DIAPH2: variants seen among roughly 807,000 people sequenced by gnomAD.
DIAPH2 encodes the protein protein diaphanous homolog 2.
DIAPH2 carries 35 observed loss-of-function variants against 92.7 expected under a neutral mutation model. The ratio of observed to expected loss-of-function variants is 0.38; its 90% confidence interval spans 0.29 to 0.50. The LOEUF is 0.50. Ranked by LOEUF, DIAPH2 falls within the 20% of genes least tolerant of loss-of-function variation. DIAPH2 has a pLI of 0.94. For missense variants in DIAPH2, 701 were observed against 819.5 expected (o/e 0.86, Z 1.77); for synonymous variants, 301 against 280.4 (o/e 1.07, Z -0.73).
intron 26 of DIAPH2, among the ~76,000 whole-genome samples, chrX:97,433,633 C>T (rs1233259317): frequency 8.9e-6 from 1 of 111,984 alleles, no homozygotes; most frequent in Non-Finnish European, 1.9e-5. Flanking sequence ...GAATATTAAC[C>T]CAGATCACAA....
At chrX:97,017,885 A>T (rs889785723) in intron 17 of DIAPH2, among the ~76,000 whole-genome samples, 1 of 112,243 alleles carries the variant, frequency 8.9e-6, no homozygotes, top group African/African-American at 3.2e-5. Flanking sequence ...CCTGCCACAA[A>T]TTAATTATAC....
At position 97,074,973 on chromosome X, in the gene DIAPH2, C is replaced by T. The variant is rs1369005257; in HGVS notation, c.2153-194C>T. ...TGCACTAGCTATAAACATTACAGCC[C>T]GAGAAAATATGCCATTTTGTCTAGA... On this transcript the variant is annotated intron_variant, in intron 18 of 26. Coordinates refer to ENST00000324765, the MANE Select transcript of DIAPH2 (RefSeq NM_006729.5). Among the ~76,000 whole-genome samples, 8 of 111,188 alleles carry T rather than the reference C, an allele frequency of 7.2e-5. No individual in the cohort carries two copies. In the South Asian group the frequency reaches 1.1e-3, roughly 16 times the overall value.
At chrX:96,853,378 C>A (rs185766042) in intron 4 of DIAPH2, among the ~76,000 whole-genome samples, 1 of 111,640 alleles carries the variant, frequency 9.0e-6, no homozygotes, top group Admixed American at 9.5e-5. Context: ...TTGTACATGA[C>A]AGCATTAGAA....
chrX:96,936,974 T>C (rs1330739435), intron 10 of DIAPH2, among the ~76,000 whole-genome samples: 1 of 111,866 alleles, frequency 8.9e-6, no homozygotes, highest in Non-Finnish European at 1.9e-5. Context: ...TTTTTTTCTG[T>C]TGTAGAACTG....
intron 22 of DIAPH2, among the ~76,000 whole-genome samples, chrX:97,182,980 A>C (rs1199990035): frequency 9.0e-6 from 1 of 111,337 alleles, no homozygotes; most frequent in Non-Finnish European, 1.9e-5. Context: ...AAAGGAAGAA[A>C]GATAAGGAAA....
At chrX:97,542,827 C>A (rs1297795939) in intron 26 of DIAPH2, among the ~76,000 whole-genome samples, 1 of 111,120 alleles carries the variant, frequency 9.0e-6, no homozygotes, top group Non-Finnish European at 1.9e-5. Context: ...AAAAACATAA[C>A]CGATATATGG....
At chrX:97,520,221 C>T (rs1489805861) in intron 26 of DIAPH2, among the ~76,000 whole-genome samples, 1 of 112,329 alleles carries the variant, frequency 8.9e-6, no homozygotes, top group African/African-American at 3.2e-5. Flanking sequence ...GATGTATGTA[C>T]AGGCTATGTT....
chrX:97,317,365 C>T (rs181389993), intron 23 of DIAPH2, among the ~76,000 whole-genome samples: 127 of 111,659 alleles, frequency 1.1e-3, no homozygotes, highest in African/African-American at 3.8e-3. Flanking sequence ...TTTTTAATGC[C>T]TTGCCTTCTC....
chrX:96,708,185 T>C (rs1251977755), intron 1 of DIAPH2, among the ~76,000 whole-genome samples: 1 of 108,097 alleles, frequency 9.3e-6, no homozygotes, highest in Non-Finnish European at 1.9e-5. Flanking sequence ...CATATAATTG[T>C]ACCCCTCCCC....
At chrX:96,957,482 C>T (rs1410986190) in intron 15 of DIAPH2, among the ~76,000 whole-genome samples, 4 of 111,582 alleles carry the variant, frequency 3.6e-5, no homozygotes, top group South Asian at 3.8e-4. Flanking sequence ...GGAAAATCCC[C>T]GTATAAAACC....
At chrX:96,707,543 G>C (rs1215407640) in intron 1 of DIAPH2, among the ~76,000 whole-genome samples, 2 of 109,357 alleles carry the variant, frequency 1.8e-5, no homozygotes, top group Non-Finnish European at 3.8e-5. Context: ...AGCTACTCTG[G>C]AGGTTGAGGC....
rs1172015230 is a variant in DIAPH2, at chrX:97,144,629, T to C, written c.2719+2835T>C. On this transcript the variant is annotated intron_variant, in intron 22 of 26. Transcript: ENST00000324765. ...TATATGTGTATATAGCGTGTATATATATATATATATTTTATATAGTTATGT... is the reference window on the plus strand; with the variant it reads ...TATATGTGTATATAGCGTGTATATACATATATATATTTTATATAGTTATGT... Among the ~76,000 whole-genome samples, 3 of 110,457 alleles carry C rather than the reference T, an allele frequency of 2.7e-5. No individual in the cohort carries two copies. The Admixed American group carries it at 2.9e-4, about 11-fold the overall frequency.
intron 5 of DIAPH2, among the ~76,000 whole-genome samples, chrX:96,899,914 T>A (rs2065380705): frequency 9.0e-6 from 1 of 111,481 alleles, no homozygotes; most frequent in African/African-American, 3.3e-5. Flanking sequence ...CAGTACCTAA[T>A]TTATTGAGAG....
At chrX:97,510,434 G>A (rs1186975364) in intron 26 of DIAPH2, among the ~76,000 whole-genome samples, 15 of 110,948 alleles carry the variant, frequency 1.4e-4, no homozygotes, top group East Asian at 5.7e-4. Flanking sequence ...AGTAGATTGC[G>A]AAAATTTTCT....
intron 26 of DIAPH2, among the ~76,000 whole-genome samples, chrX:97,584,724 C>T (rs112644606): frequency 0.034 from 3,861 of 112,260 alleles, 183 homozygotes; most frequent in African/African-American, 0.12. Context: ...AGTTGTGTTG[C>T]TCACATGAAG....
At chrX:97,062,098 C>T (rs1009241857) in intron 17 of DIAPH2, among the ~76,000 whole-genome samples, 1 of 111,356 alleles carries the variant, frequency 9.0e-6, no homozygotes, top group African/African-American at 3.3e-5. Context: ...GATCCTTGCC[C>T]TCAATGATAT....
chrX:96,727,823 G>A lies in DIAPH2; in HGVS notation c.133-7935G>A, dbSNP rs918252133. 4.5e-5 allele frequency among the ~76,000 whole-genome samples: 5 copies of A among 110,492 alleles called. No homozygotes were observed. In the Admixed American group the frequency reaches 4.8e-4, roughly 11 times the overall value. On this transcript the variant is annotated intron_variant, in intron 1 of 26. Transcript: ENST00000324765. ...AGCACTTTGGGAGGCTGAGGTGGAT[G>A]GATCACGAGGTCAGAAGTTCGAGAC...
At chrX:97,422,628 T>G (rs1189529197) in intron 25 of DIAPH2, among the ~76,000 whole-genome samples, 1 of 111,839 alleles carries the variant, frequency 8.9e-6, no homozygotes, top group Non-Finnish European at 1.9e-5. Flanking sequence ...AACAGTGAAT[T>G]AAAACCATTA....
intron 24 of DIAPH2, among the ~76,000 whole-genome samples, chrX:97,372,768 C>T (rs187990843): frequency 2.8e-4 from 31 of 110,776 alleles, no homozygotes; most frequent in Admixed American, 2.5e-3. Context: ...ATGGGGAGTT[C>T]GAGACCAGTC....
Sources: allele counts gnomAD v4.1 joint callset (sites outside exome capture counted in the v4.1 genomes callset), GRCh38; gene constraint gnomAD v4.1.1; transcripts MANE v1.5; gene names NCBI Gene and HGNC (gene_info 2026-07-23, HGNC 2026-07-21).